The following ADARB2 variants were observed in gnomAD, a reference collection of about 807,000 sequenced individuals.
ADARB2 encodes the protein inactive double-stranded RNA-specific editase B2.
ADARB2 carries 25 observed loss-of-function variants against 62.2 expected under a neutral mutation model. That is an observed-to-expected ratio of 0.40 (90% confidence interval 0.29 to 0.56). ADARB2 has a LOEUF of 0.56. Ranked by LOEUF, ADARB2 falls within the 20% of genes least tolerant of loss-of-function variation. The probability of loss-of-function intolerance (pLI) is 0.43; values close to 1 mark genes in which losing one functional copy is unlikely to be tolerated. For synonymous variants in ADARB2, 572 were observed against 500.8 expected (o/e 1.14, Z -1.90); for missense variants, 1,071 against 1,077.4 (o/e 0.99, Z 0.08).
chr10:1,369,392 G>T (rs1340987876), intron 2 of ADARB2, among the ~76,000 whole-genome samples: 2 of 152,082 alleles, frequency 1.3e-5, no homozygotes, highest in East Asian at 3.9e-4. Context: ...GGGGGTGAGG[G>T]GACCTGGGGG....
At chr10:1,291,595 C>T (rs1831466349) in intron 3 of ADARB2, 1 of 152,236 alleles carries the variant, frequency 6.6e-6, no homozygotes, top group Non-Finnish European at 1.5e-5. Flanking sequence ...GGAGTGAAAG[C>T]AACTGCATGG....
intron 1 of ADARB2, among the ~76,000 whole-genome samples, chr10:1,532,886 T>C (rs1832267379): frequency 6.6e-6 from 1 of 152,120 alleles, no homozygotes; most frequent in Admixed American, 6.5e-5. Flanking sequence ...GAGGCCCATC[T>C]GAACCCCTCA....
chr10:1,267,123 C>G (rs549993488), intron 4 of ADARB2, among the ~76,000 whole-genome samples: 2 of 148,594 alleles, frequency 1.3e-5, no homozygotes, highest in South Asian at 4.3e-4. Context: ...TAAACATATT[C>G]TTAAATCCAA....
At chr10:1,192,548 T>C (rs1035734351) in intron 8 of ADARB2, among the ~76,000 whole-genome samples, 1 of 152,238 alleles carries the variant, frequency 6.6e-6, no homozygotes, top group Non-Finnish European at 1.5e-5. Context: ...TGTCTTGCTT[T>C]GATACAGCAC....
At chr10:1,201,283 G>A (rs771496954) in intron 7 of ADARB2, among the ~76,000 whole-genome samples, 1 of 152,236 alleles carries the variant, frequency 6.6e-6, no homozygotes, top group Non-Finnish European at 1.5e-5. Context: ...GGTCATTAAA[G>A]TAATGTGCTC....
intron 1 of ADARB2, among the ~76,000 whole-genome samples, chr10:1,599,571 T>C (rs1233055309): frequency 6.6e-6 from 1 of 152,174 alleles, no homozygotes; most frequent in Non-Finnish European, 1.5e-5. Context: ...TACACATTCA[T>C]GGTACCAGAA....
chr10:1,584,518 G>A (rs1400984103), intron 1 of ADARB2, among the ~76,000 whole-genome samples: 2 of 152,192 alleles, frequency 1.3e-5, no homozygotes, highest in Non-Finnish European at 2.9e-5. Context: ...AGCTTCTGTG[G>A]ATGACAGTTC....
rs561545813 is a variant in ADARB2, at chr10:1,338,596, A to G, written c.1077+24432T>C. ...CTATTTAGGTTGGCCTCAAACATGG[A>G]CCAGCTAGTTCTCAATTAGGCAATT... On this transcript the variant is annotated intron_variant, in intron 3 of 9. Transcript: ENST00000381312. Among the ~76,000 whole-genome samples the G allele has an allele frequency of 7.9e-4, 120 of 152,310 alleles. 1 individual carries two copies. Among genetic ancestry groups the G allele is most frequent in the Non-Finnish European group, 1.3e-3 (89 of 68,030 alleles).
intron 1 of ADARB2, among the ~76,000 whole-genome samples, chr10:1,513,140 C>A (rs988956244): frequency 9.2e-5 from 14 of 152,184 alleles, no homozygotes; most frequent in African/African-American, 3.4e-4. Context: ...CTGTAGTGTT[C>A]ATTTCACTAT....
chr10:1,581,173 C>T (rs993339467), intron 1 of ADARB2, among the ~76,000 whole-genome samples: 7 of 152,234 alleles, frequency 4.6e-5, no homozygotes, highest in Non-Finnish European at 1.0e-4. Context: ...AGAACCTGGT[C>T]TGGGAGAAGA....
intron 1 of ADARB2, among the ~76,000 whole-genome samples, chr10:1,451,139 T>A (rs1831031125): frequency 6.6e-6 from 1 of 152,242 alleles, no homozygotes; most frequent in Non-Finnish European, 1.5e-5. Context: ...TGCCCATCTT[T>A]GTGTGACAAG....
chr10:1,178,847 C>T lies in ADARB2; in HGVS notation c.*4346G>A, dbSNP rs1836624558. The T allele has an allele frequency of 6.6e-6, 1 of 152,208 alleles. No individual in the cohort carries two copies. 9.4% of individuals were successfully genotyped at this position (152,208 alleles called of 1,614,324 possible). A position where few individuals can be genotyped will look rare whatever the true frequency, so the allele number is the denominator to read the frequency against. On this transcript the variant is annotated 3_prime_UTR_variant, in exon 10 of 10. Coordinates refer to ENST00000381312, the MANE Select transcript of ADARB2 (RefSeq NM_018702.4). ...GGGCCGCGGGAAGCCCACAGAGCCT[C>T]ACCGGGTTCTGTTGGGTGTTATGAG...
At chr10:1,717,509 TTCTC>T (rs1255356416) in intron 1 of ADARB2, among the ~76,000 whole-genome samples, 6 of 150,962 alleles carry the variant, frequency 4.0e-5, no homozygotes, top group South Asian at 2.1e-4. Flanking sequence ...CTTTCTTTCT[TTCTC>T]TCTCTCTTTC....
intron 1 of ADARB2, among the ~76,000 whole-genome samples, chr10:1,558,660 GCACCCC>G: frequency 8.1e-6 from 1 of 123,370 alleles, no homozygotes; most frequent in Non-Finnish European, 1.7e-5. Flanking sequence ...TGGGTGCTCA[GCACCCC>G]CATGCCCCAT....
chr10:1,423,999 T>C (rs1832873334), intron 1 of ADARB2, among the ~76,000 whole-genome samples: 1 of 152,194 alleles, frequency 6.6e-6, no homozygotes, highest in African/African-American at 2.4e-5. Flanking sequence ...CCATTATGTA[T>C]GCAGTAGGTC....
At chr10:1,244,828 A>G (rs1240658735) in intron 4 of ADARB2, among the ~76,000 whole-genome samples, 2 of 152,188 alleles carry the variant, frequency 1.3e-5, no homozygotes, top group African/African-American at 4.8e-5. Flanking sequence ...CAGAGTGGGC[A>G]TGGTGGTCAG....
intron 1 of ADARB2, among the ~76,000 whole-genome samples, chr10:1,466,337 G>A (rs921177513): frequency 6.6e-6 from 1 of 152,218 alleles, no homozygotes; most frequent in Non-Finnish European, 1.5e-5. Context: ...GGCAAAGACG[G>A]TGCTTCTCCT....
intron 1 of ADARB2, among the ~76,000 whole-genome samples, chr10:1,615,067 A>G (rs1434635442): frequency 1.3e-5 from 2 of 152,200 alleles, no homozygotes; most frequent in African/African-American, 2.4e-5. Flanking sequence ...TTGGTAAAAA[A>G]CAGCAAACAA....
At chr10:1,200,962 T>C (rs1463640311) in intron 7 of ADARB2, among the ~76,000 whole-genome samples, 2 of 152,266 alleles carry the variant, frequency 1.3e-5, no homozygotes, top group Non-Finnish European at 1.5e-5. Context: ...ATGCAGCGTC[T>C]CTTTTCATGA....
Sources: allele counts gnomAD v4.1 joint callset (sites outside exome capture counted in the v4.1 genomes callset), GRCh38; gene constraint gnomAD v4.1.1; transcripts MANE v1.5; gene names NCBI Gene and HGNC (gene_info 2026-07-23, HGNC 2026-07-21).